The following CPNE4 variants were observed in gnomAD, a reference collection of about 807,000 sequenced individuals.
CPNE4 encodes the protein copine-4.
A neutral mutation model predicts 67.9 loss-of-function variants in CPNE4; 25 were observed. The observed-to-expected ratio is 0.37, with a 90% CI of 0.27 to 0.51. CPNE4 has a LOEUF of 0.51. Among genes scored for constraint, CPNE4 ranks in the 20% least tolerant of loss-of-function variants. The probability of loss-of-function intolerance (pLI) is 0.93; values close to 1 mark genes in which losing one functional copy is unlikely to be tolerated. For missense variants in CPNE4, 464 were observed against 690.8 expected (o/e 0.67, Z 3.68); for synonymous variants, 242 against 244.9 (o/e 0.99, Z 0.11).
At chr3:131,581,730 G>C in intron 8 of CPNE4, 65 bp from the exon 9 acceptor site, 3 of 1,094,772 alleles carry the variant, frequency 2.7e-6, no homozygotes, top group Non-Finnish European at 4.2e-6. Flanking sequence ...ATAAGGCCAA[G>C]CTCCTAGGTG....
At chr3:131,783,392 A>G (rs560983028) in intron 2 of CPNE4, among the ~76,000 whole-genome samples, 2 of 152,032 alleles carry the variant, frequency 1.3e-5, no homozygotes. Context: ...TCCAGCCTCT[A>G]TTGAAGGTTA....
intron 1 of CPNE4, among the ~76,000 whole-genome samples, chr3:131,978,514 T>TTATATATATTTA (rs1209915945): frequency 1.3e-5 from 1 of 76,600 alleles, no homozygotes; most frequent in African/African-American, 6.4e-5. Context: ...TTATATATAT[T>TTATATATATTTA]TATTTATATA....
chr3:131,858,777 G>A (rs1184877481), intron 2 of CPNE4, among the ~76,000 whole-genome samples: 1 of 152,112 alleles, frequency 6.6e-6, no homozygotes, highest in Non-Finnish European at 1.5e-5. Context: ...TGGCTATAAG[G>A]CAATAACGTT....
intron 2 of CPNE4, among the ~76,000 whole-genome samples, chr3:131,747,101 C>T (rs2082507838): frequency 7.3e-6 from 1 of 136,976 alleles, no homozygotes; most frequent in African/African-American, 2.7e-5. Flanking sequence ...GGTCTTTTGC[C>T]TCTGTTTTAA....
chr3:131,858,679 G>A (rs73203866), intron 2 of CPNE4, among the ~76,000 whole-genome samples: 11,504 of 152,118 alleles, frequency 0.076, 583 homozygotes, highest in East Asian at 0.17. Flanking sequence ...CCAAGGTTAT[G>A]GCAACTTAAA....
chr3:131,776,367 T>G (rs917979445), intron 2 of CPNE4, among the ~76,000 whole-genome samples: 1 of 152,138 alleles, frequency 6.6e-6, no homozygotes, highest in Non-Finnish European at 1.5e-5. Flanking sequence ...GATTCCAATT[T>G]GAGTCCAGGA....
intron 2 of CPNE4, among the ~76,000 whole-genome samples, chr3:131,876,515 G>A (rs912699711): frequency 6.6e-6 from 1 of 151,032 alleles, no homozygotes; most frequent in African/African-American, 2.4e-5. Flanking sequence ...GGTGGCGGGC[G>A]CCTGTAGTCC....
At chr3:131,928,889 A>G (rs2070971502) in intron 1 of CPNE4, among the ~76,000 whole-genome samples, 1 of 152,190 alleles carries the variant, frequency 6.6e-6, no homozygotes, top group Non-Finnish European at 1.5e-5. Flanking sequence ...TCTGCATTGA[A>G]GCCTGGCTTC....
intron 1 of CPNE4, among the ~76,000 whole-genome samples, chr3:131,917,935 G>C (rs1379616829): frequency 6.6e-6 from 1 of 152,152 alleles, no homozygotes; most frequent in Non-Finnish European, 1.5e-5. Flanking sequence ...CCCAGGGTGG[G>C]TAGAGAGAGA....
At chr3:131,838,897 T>A (rs1052192394) in intron 2 of CPNE4, among the ~76,000 whole-genome samples, 2 of 151,888 alleles carry the variant, frequency 1.3e-5, no homozygotes, top group Non-Finnish European at 2.9e-5. Context: ...ACTTAAAATA[T>A]AAAATTTCTG....
At chr3:131,774,728 G>T (rs1056893665) in intron 2 of CPNE4, among the ~76,000 whole-genome samples, 2 of 152,080 alleles carry the variant, frequency 1.3e-5, no homozygotes, top group Non-Finnish European at 2.9e-5. Context: ...GAGACCCTTT[G>T]CTGCCTTTCA....
intron 1 of CPNE4, among the ~76,000 whole-genome samples, chr3:131,939,342 T>G (rs1447015916): frequency 6.8e-6 from 1 of 146,228 alleles, no homozygotes; most frequent in Non-Finnish European, 1.5e-5. Flanking sequence ...GTATTATTGG[T>G]AAGTGAAAAA....
chr3:131,989,016 A>T (rs2073118420), intron 1 of CPNE4, among the ~76,000 whole-genome samples: 1 of 152,198 alleles, frequency 6.6e-6, no homozygotes. Flanking sequence ...TGTTATATAG[A>T]GATACATGCT....
At chr3:131,856,896 T>G (rs2086467592) in intron 2 of CPNE4, among the ~76,000 whole-genome samples, 1 of 152,132 alleles carries the variant, frequency 6.6e-6, no homozygotes, top group East Asian at 1.9e-4. Context: ...AAGCTGGCAT[T>G]TGACAACCAT....
intron 1 of CPNE4, among the ~76,000 whole-genome samples, chr3:131,977,854 C>T (rs999842667): frequency 6.6e-6 from 1 of 150,978 alleles, no homozygotes; most frequent in Non-Finnish European, 1.5e-5. Flanking sequence ...CTCCTAGGTC[C>T]CCAAAGTCCA....
chr3:131,810,836 T>C (rs2084496730), intron 2 of CPNE4, among the ~76,000 whole-genome samples: 2 of 152,042 alleles, frequency 1.3e-5, no homozygotes, highest in African/African-American at 2.4e-5. Context: ...ATACATACAA[T>C]AGAAGATTAT....
chr3:131,647,588 G>C (rs552813837), intron 7 of CPNE4, among the ~76,000 whole-genome samples: 2 of 152,286 alleles, frequency 1.3e-5, no homozygotes, highest in East Asian at 3.9e-4. Context: ...AGATCCTAGA[G>C]GAGGTTTGAT....
At chr3:131,717,801 C>G (rs561459779) in intron 3 of CPNE4, among the ~76,000 whole-genome samples, 1 of 152,096 alleles carries the variant, frequency 6.6e-6, no homozygotes, top group East Asian at 1.9e-4. Context: ...TGCCATCCAC[C>G]GTTTATGGGG....
intron 1 of CPNE4, among the ~76,000 whole-genome samples, chr3:131,949,374 G>T (rs1161670249): frequency 6.6e-6 from 1 of 152,120 alleles, no homozygotes; most frequent in African/African-American, 2.4e-5. Context: ...TCAATCATGG[G>T]CATCCAGAGA....
Sources: allele counts gnomAD v4.1 joint callset (sites outside exome capture counted in the v4.1 genomes callset), GRCh38; gene constraint gnomAD v4.1.1; transcripts MANE v1.5; gene names NCBI Gene and HGNC (gene_info 2026-07-23, HGNC 2026-07-21).